Variants in PCCA observed in about 807,000 individuals in gnomAD.
PCCA encodes propionyl-CoA carboxylase alpha chain, mitochondrial.
In PCCA, 74 loss-of-function variants were observed where a neutral mutation model predicts 101.3. That is an observed-to-expected ratio of 0.73 (90% CI 0.61 to 0.89). PCCA has a LOEUF of 0.89. Ranked by LOEUF, PCCA falls within the 40% of genes least tolerant of loss-of-function variation. PCCA has a pLI of 0.00. For synonymous variants in PCCA, 294 were observed against 313.6 expected, an observed-to-expected ratio of 0.94 and a Z score of 0.66; for missense variants, 891 against 907.0, an observed-to-expected ratio of 0.98 and a Z score of 0.23.
intron 21 of PCCA, among the ~76,000 whole-genome samples, chr13:100,452,621 A>T (rs978752064): frequency 8.6e-5 from 13 of 151,422 alleles, no homozygotes; most frequent in African/African-American, 3.2e-4. Context: ...TCTTTCCAAC[A>T]TCTTATTCCC....
chr13:100,487,662 C>A (rs2084495049), intron 21 of PCCA, among the ~76,000 whole-genome samples: 2 of 152,262 alleles, frequency 1.3e-5, no homozygotes, highest in African/African-American at 4.8e-5. Context: ...TGGGCATGTA[C>A]TAAGTAGCCT....
At chr13:100,264,633 T>C (rs998474669) in intron 10 of PCCA, among the ~76,000 whole-genome samples, 12 of 152,302 alleles carry the variant, frequency 7.9e-5, no homozygotes, top group Admixed American at 3.3e-4. Flanking sequence ...CATATTGTTG[T>C]TGATGGATCT....
rs563588927 is a variant in PCCA at position 100,146,247 on chromosome 13, C to CT, written c.301-8726dup. Among the ~76,000 whole-genome samples the CT allele has an allele frequency of 1.1e-4, 16 of 149,308 alleles. No homozygotes were observed. In the South Asian group the frequency reaches 3.6e-3, roughly 34 times the overall value. ...TGAGCCACCGCACCGGCCAGCTTTG[C>CT]TTTTTTATAAGATATCTGTTGTATT... On this transcript the variant is annotated intron_variant, in intron 4 of 23. Transcript: ENST00000376285.
At chr13:100,183,486 A>G (rs1374072059) in intron 6 of PCCA, among the ~76,000 whole-genome samples, 1 of 152,184 alleles carries the variant, frequency 6.6e-6, no homozygotes, top group Admixed American at 6.5e-5. Context: ...TCTGATTCCC[A>G]GGAGAGGATA....
chr13:100,328,246 C>G (rs1239434060), intron 16 of PCCA, among the ~76,000 whole-genome samples: 5 of 151,698 alleles, frequency 3.3e-5, no homozygotes, highest in African/African-American at 1.2e-4. Context: ...TCCTGTAATC[C>G]CAGCTACTTA....
At chr13:100,523,804 A>G (rs2087496593) in intron 22 of PCCA, among the ~76,000 whole-genome samples, 1 of 152,242 alleles carries the variant, frequency 6.6e-6, no homozygotes, top group Non-Finnish European at 1.5e-5. Flanking sequence ...AAGACTTGTG[A>G]GGCTTGTGAC....
intron 6 of PCCA, among the ~76,000 whole-genome samples, chr13:100,185,762 C>G (rs1183334587): frequency 6.6e-6 from 1 of 151,964 alleles, no homozygotes; most frequent in Non-Finnish European, 1.5e-5. Flanking sequence ...GTTCTCCTGC[C>G]TCAGCCGCTC....
intron 4 of PCCA, among the ~76,000 whole-genome samples, chr13:100,134,849 G>A (rs900992204): frequency 6.6e-6 from 1 of 152,024 alleles, no homozygotes; most frequent in Admixed American, 6.6e-5. Context: ...GTTTAGGTCT[G>A]CTTTGATTTC....
At chr13:100,423,227 C>G (rs1186678619) in intron 19 of PCCA, among the ~76,000 whole-genome samples, 1 of 152,186 alleles carries the variant, frequency 6.6e-6, no homozygotes. Context: ...CACTCCACAT[C>G]TGCCCCTTCA....
intron 9 of PCCA, among the ~76,000 whole-genome samples, chr13:100,259,016 G>A (rs1258464167): frequency 2.6e-5 from 4 of 152,078 alleles, no homozygotes; most frequent in African/African-American, 9.7e-5. Context: ...TACCTAAAAA[G>A]GGAAAGAACA....
intron 8 of PCCA, among the ~76,000 whole-genome samples, chr13:100,241,752 A>G (rs1205122407): frequency 6.6e-6 from 1 of 152,166 alleles, no homozygotes; most frequent in African/African-American, 2.4e-5. Context: ...GACATGAGCC[A>G]CTGCACCTGG....
intron 21 of PCCA, among the ~76,000 whole-genome samples, chr13:100,454,916 A>G (rs2081597964): frequency 6.6e-6 from 1 of 152,148 alleles, no homozygotes; most frequent in Non-Finnish European, 1.5e-5. Context: ...GATATTATAT[A>G]TATGAAATAT....
At chr13:100,491,650 C>T (rs1441948087) in intron 21 of PCCA, 25 of 1,303,886 alleles carry the variant, frequency 1.9e-5, no homozygotes, top group Non-Finnish European at 2.3e-5. Context: ...TTTTTTGTAG[C>T]CCTGGAGAAA....
At chr13:100,165,870 C>A (rs1046587349) in intron 6 of PCCA, among the ~76,000 whole-genome samples, 1 of 151,990 alleles carries the variant, frequency 6.6e-6, no homozygotes, top group African/African-American at 2.4e-5. Flanking sequence ...GGTGACAGAG[C>A]AAGACCCTGT....
At chr13:100,182,935 G>A (rs965590089) in intron 6 of PCCA, among the ~76,000 whole-genome samples, 4 of 152,096 alleles carry the variant, frequency 2.6e-5, no homozygotes, top group African/African-American at 7.2e-5. Flanking sequence ...TGGGAAAAGG[G>A]CAGTTCAGGA....
At chr13:100,223,803 G>A (rs1474787597) in intron 7 of PCCA, among the ~76,000 whole-genome samples, 1 of 152,180 alleles carries the variant, frequency 6.6e-6, no homozygotes, top group African/African-American at 2.4e-5. Flanking sequence ...AGATTAGCTA[G>A]ATACAGAGTG....
intron 7 of PCCA, among the ~76,000 whole-genome samples, chr13:100,226,874 A>AC (rs2152506175): frequency 6.6e-6 from 1 of 152,248 alleles, no homozygotes; most frequent in East Asian, 1.9e-4. Context: ...CTTCTTAATA[A>AC]CCCTATGAGA....
At chr13:100,280,221 A>G (rs1349791370) in intron 12 of PCCA, among the ~76,000 whole-genome samples, 1 of 151,552 alleles carries the variant, frequency 6.6e-6, no homozygotes, top group Non-Finnish European at 1.5e-5. Context: ...CTATCTTCAC[A>G]TATTTTTGCT....
intron 12 of PCCA, among the ~76,000 whole-genome samples, chr13:100,278,015 A>C (rs2063790910): frequency 6.6e-6 from 1 of 152,220 alleles, no homozygotes; most frequent in Non-Finnish European, 1.5e-5. Flanking sequence ...GTAGTAGCTC[A>C]GTAGTTGTTG....
Sources: gnomAD v4.1 joint callset for allele counts (sites outside exome capture counted in the v4.1 genomes callset) on GRCh38, gnomAD v4.1.1 for gene constraint, MANE v1.5 for transcripts, NCBI Gene and HGNC (gene_info 2026-07-23, HGNC 2026-07-21) for gene names.